Variants in MGAT4C observed in about 807,000 individuals in gnomAD.
The protein encoded by MGAT4C is alpha-1,3-mannosyl-glycoprotein 4-beta-N-acetylglucosaminyltransferase C.
MGAT4C carries 19 observed loss-of-function variants against 40.1 expected under a neutral mutation model. The observed-to-expected ratio is 0.47, with a 90% CI of 0.33 to 0.70. The LOEUF is 0.70. Among genes scored for constraint, MGAT4C ranks in the 30% least tolerant of loss-of-function variants. MGAT4C has a pLI of 0.02. For missense variants in MGAT4C, 491 were observed against 563.2 expected (o/e 0.87, Z 1.30); for synonymous variants, 181 against 187.1 (o/e 0.97, Z 0.27).
intron 2 of MGAT4C, among the ~76,000 whole-genome samples, chr12:86,446,128 GAAT>G (rs1287285307): frequency 6.6e-6 from 1 of 151,878 alleles, no homozygotes; most frequent in Non-Finnish European, 1.5e-5. Flanking sequence ...CAAAAATATA[GAAT>G]AAAATTTATT....
chr12:86,230,558 A>G (rs1299055653), intron 1 of MGAT4C, among the ~76,000 whole-genome samples: 1 of 152,188 alleles, frequency 6.6e-6, no homozygotes, highest in Non-Finnish European at 1.5e-5. Flanking sequence ...AAATGTGTCC[A>G]GTGTAAGTTG....
Position 85,961,722 on chromosome 12 carries a change from TG to T in MGAT4C, c.*17566del, listed in dbSNP as rs1883122647. 1 of 151,910 alleles carries T rather than the reference TG, an allele frequency of 6.6e-6. No individual in the cohort carries two copies. The highest frequency in any genetic ancestry group is 1.5e-5 in the Non-Finnish European group (1 of 67,786). The allele number at this position is 151,910 out of a possible 1,614,324, so 9.4% of individuals were successfully genotyped here. ...TTTTTCTGGCCTAACCTTGTTGGCATGAGAGTTCCCACTTTGTATTATAATA... is the reference window on the plus strand; with the variant it reads ...TTTTTCTGGCCTAACCTTGTTGGCATAGAGTTCCCACTTTGTATTATAATA... On this transcript the variant is annotated 3_prime_UTR_variant, in exon 5 of 5. Coordinates refer to ENST00000611864, the MANE Select transcript of MGAT4C (RefSeq NM_001351288.2).
At chr12:86,009,862 T>C (rs1205207401) in intron 2 of MGAT4C, among the ~76,000 whole-genome samples, 1 of 152,222 alleles carries the variant, frequency 6.6e-6, no homozygotes, top group East Asian at 1.9e-4. Flanking sequence ...TTCTTTCCAT[T>C]ATAAATGCCT....
rs1238989243 is a variant in MGAT4C, at chr12:85,964,166, T to C, written c.*15123A>G. On this transcript the variant is annotated 3_prime_UTR_variant, in exon 5 of 5. Coordinates refer to ENST00000611864, the MANE Select transcript of MGAT4C (RefSeq NM_001351288.2). ...ATTATGAAAGATTATAAAACACCAA[T>C]GATTAGATTATGTTATAAAGACACT... 1 of 152,076 alleles carries C rather than the reference T, an allele frequency of 6.6e-6. No individual in the cohort carries two copies. Among genetic ancestry groups the C allele is most frequent in the Non-Finnish European group, 1.5e-5 (1 of 67,944 alleles). The allele number at this position is 152,076 out of a possible 1,614,324, so 9.4% of individuals were successfully genotyped here.
intron 2 of MGAT4C, among the ~76,000 whole-genome samples, chr12:86,566,555 T>C (rs1488010145): frequency 6.9e-5 from 8 of 116,314 alleles, no homozygotes; most frequent in East Asian, 4.6e-4. Flanking sequence ...TATATATATA[T>C]ATATATATAT....
At chr12:86,119,711 C>G (rs1234538755) in intron 1 of MGAT4C, among the ~76,000 whole-genome samples, 1 of 150,404 alleles carries the variant, frequency 6.6e-6, no homozygotes, top group East Asian at 1.9e-4. Context: ...GCCCGGCCCC[C>G]TCCCACCATT....
chr12:86,393,197 T>C (rs897879815), intron 3 of MGAT4C, among the ~76,000 whole-genome samples: 1 of 152,204 alleles, frequency 6.6e-6, no homozygotes, highest in Admixed American at 6.5e-5. Flanking sequence ...AATAAATGAA[T>C]GCTATTATTT....
chr12:86,253,319 G>A lies in MGAT4C; in HGVS notation c.-57+2920C>T, dbSNP rs116259508. Among the ~76,000 whole-genome samples, 260 of 151,692 alleles carry A rather than the reference G, an allele frequency of 1.7e-3. 1 individual carries two copies. The highest frequency in any genetic ancestry group is 5.8e-3 in the African/African-American group (240 of 41,462). ...AAGAGAAGTGACTGATTAGATAACC[G>A]GCTGTATTAAGGGAGGGAGGGAGAG... On this transcript the variant is annotated intron_variant, in intron 1 of 4. Transcript: ENST00000611864.
intron 2 of MGAT4C, among the ~76,000 whole-genome samples, chr12:86,658,904 A>G (rs936832244): frequency 6.6e-6 from 1 of 152,080 alleles, no homozygotes; most frequent in African/African-American, 2.4e-5. Context: ...CCGAGTTCAC[A>G]TCTTCCCTCT....
In MGAT4C at chr12:86,459,528, C is replaced by T. The variant is rs1415607032; in HGVS notation, c.-228-24263G>A. 2.0e-5 allele frequency among the ~76,000 whole-genome samples: 3 copies of T among 152,008 alleles called. No individual in the cohort carries two copies. The East Asian group carries it at 5.8e-4, about 29-fold the overall frequency. ...CAATAGCTAGCAAGAAAATGAGAAC[C>T]TCACTCATGCGGTCATAAGGAAATG... On this transcript the variant is annotated intron_variant, in intron 2 of 7. Coordinates refer to the MGAT4C transcript ENST00000548651.
chr12:86,726,637 C>A (rs898428934), intron 2 of MGAT4C, among the ~76,000 whole-genome samples: 3 of 152,042 alleles, frequency 2.0e-5, no homozygotes, highest in African/African-American at 7.2e-5. Context: ...TTAATATGTG[C>A]ATATTCCTTT....
In MGAT4C at chr12:86,715,258, TTAAAG is replaced by T. The variant is rs569886443; in HGVS notation, c.-229+11946_-229+11950del. On this transcript the variant is annotated intron_variant, in intron 2 of 7. Coordinates refer to the MGAT4C transcript ENST00000548651. ...TTAAACATACTTTGTAATTTTTTTC[TTAAAG>T]TAAACTACCATACCAAGAAAACAGA... Among the ~76,000 whole-genome samples, 142 of 152,240 alleles carry T rather than the reference TTAAAG, an allele frequency of 9.3e-4. 1 individual carries two copies. In the Middle Eastern group the frequency reaches 0.014, roughly 15 times the overall value.
rs79340472 is a variant in MGAT4C, at chr12:86,548,515, C to A, written c.-228-113250G>T. 5.4e-3 allele frequency among the ~76,000 whole-genome samples: 828 copies of A among 152,212 alleles called. 4 individuals carry two copies. The highest frequency in any genetic ancestry group is 9.0e-3 in the Non-Finnish European group (614 of 67,976). ...ATTCCCGTTTACGCAGGCTTGGATACACGGAATAAATTGTGAACTATCTTA... is the reference window on the plus strand; with the variant it reads ...ATTCCCGTTTACGCAGGCTTGGATAAACGGAATAAATTGTGAACTATCTTA... On this transcript the variant is annotated intron_variant, in intron 2 of 7. Coordinates refer to the MGAT4C transcript ENST00000548651.
At position 86,784,497 on chromosome 12, in the gene MGAT4C, T is replaced by C. The variant is rs183864383; in HGVS notation, c.-262+54169A>G. 9.2e-5 allele frequency among the ~76,000 whole-genome samples: 14 copies of C among 152,112 alleles called. No homozygotes were observed. The East Asian group carries it at 2.5e-3, about 27-fold the overall frequency. ...CAGAAAAACAAAAACTGATCACATA[T>C]GTGAAAAAGGTAATTAGAGGATTAG... On this transcript the variant is annotated intron_variant, in intron 1 of 7. Transcript: ENST00000548651.
chr12:86,305,445 A>G (rs1230328217), intron 4 of MGAT4C, among the ~76,000 whole-genome samples: 1 of 11,716 alleles, frequency 8.5e-5, no homozygotes, highest in Non-Finnish European at 4.5e-4. Flanking sequence ...GTCTCAAAGA[A>G]AAAAAAAAAA....
intron 1 of MGAT4C, among the ~76,000 whole-genome samples, chr12:86,205,629 T>C (rs1221728822): frequency 7.9e-5 from 12 of 151,952 alleles, no homozygotes. Flanking sequence ...ATGTTTGAAA[T>C]TTCCTATAAA....
intron 3 of MGAT4C, among the ~76,000 whole-genome samples, chr12:86,343,824 G>A (rs1954955639): frequency 6.6e-6 from 1 of 152,060 alleles, no homozygotes; most frequent in African/African-American, 2.4e-5. Context: ...AACTATTGAA[G>A]TTAAGCCATA....
intron 1 of MGAT4C, among the ~76,000 whole-genome samples, chr12:86,795,246 G>C (rs1209754275): frequency 6.6e-6 from 1 of 151,798 alleles, no homozygotes; most frequent in Non-Finnish European, 1.5e-5. Flanking sequence ...TAATAATGGA[G>C]AAATAACAAT....
At chr12:86,527,863 T>C (rs1194255065) in intron 2 of MGAT4C, among the ~76,000 whole-genome samples, 1 of 152,190 alleles carries the variant, frequency 6.6e-6, no homozygotes, top group African/African-American at 2.4e-5. Context: ...CTCACTCATA[T>C]GTGGTAGCTA....
Sources: gnomAD v4.1 joint callset for allele counts (sites outside exome capture counted in the v4.1 genomes callset) on GRCh38, gnomAD v4.1.1 for gene constraint, MANE v1.5 for transcripts, NCBI Gene and HGNC (gene_info 2026-07-23, HGNC 2026-07-21) for gene names.